The following HCRTR1 variants were observed in gnomAD, a reference collection of about 807,000 sequenced individuals.
The protein encoded by HCRTR1 is orexin/Hypocretin receptor type 1.
Under a neutral mutation model 40.6 loss-of-function variants are expected in HCRTR1, and 28 were observed. That is an observed-to-expected ratio of 0.69 (90% CI 0.51 to 0.95). HCRTR1 has a LOEUF of 0.95. HCRTR1 is among the 40% of genes least tolerant of loss of function. The probability of loss-of-function intolerance (pLI) is 0.00; values close to 1 mark genes in which losing one functional copy is unlikely to be tolerated. For missense variants in HCRTR1, 482 were observed against 564.7 expected, an observed-to-expected ratio of 0.85 and a Z score of 1.48; for synonymous variants, 209 against 230.0, an observed-to-expected ratio of 0.91 and a Z score of 0.83.
intron 6 of HCRTR1, among the ~76,000 whole-genome samples, chr1:31,623,312 A>AAAG: frequency 6.8e-6 from 1 of 146,822 alleles, no homozygotes; most frequent in Non-Finnish European, 1.5e-5. Flanking sequence ...AAAAAAAAAA[A>AAAG]GAAAAGAAAA....
At chr1:31,629,029 G>A (rs1640030311), downstream of HCRTR1, among the ~76,000 whole-genome samples, 1 of 152,176 alleles carries the variant, frequency 6.6e-6, no homozygotes, top group Admixed American at 6.5e-5. Flanking sequence ...GGAGGAAATG[G>A]GCTGCCTTGA....
downstream of HCRTR1, among the ~76,000 whole-genome samples, chr1:31,629,698 C>T (rs965351430): frequency 6.6e-6 from 1 of 152,170 alleles, no homozygotes; most frequent in Non-Finnish European, 1.5e-5. Flanking sequence ...CAGCTGGCTA[C>T]CCTATACTTC....
At chr1:31,631,963 G>A (rs1221456219), downstream of HCRTR1, among the ~76,000 whole-genome samples, 1 of 152,186 alleles carries the variant, frequency 6.6e-6, no homozygotes, top group African/African-American at 2.4e-5. Context: ...AGCCCAAACT[G>A]TGGCCTTCTG....
downstream of HCRTR1, chr1:31,633,193 A>G: frequency 1.2e-6 from 2 of 1,614,068 alleles, no homozygotes; most frequent in Non-Finnish European, 1.7e-6. Context: ...CATTGAATGA[A>G]GACCAATTGC....
In HCRTR1 at chr1:31,619,352, G is replaced by A. The variant is rs1193127266; in HGVS notation, c.160G>A (p.Val54Met). ...QYEWVLIAAY[V>M]AVFVVALVGN... ...TGAGTGGGTCCTCATCGCAGCCTAT[G>A]TGGCTGTGTTCGTCGTGGCCCTGGT... The change falls in exon 3 of 9, where the codon GTG (valine) becomes ATG (methionine). Residue 54 changes from valine (V) to methionine (M), a missense_variant. Val to Met is a conservative substitution (Grantham distance 21, BLOSUM62 1). Transcript: ENST00000403528. The A allele has an allele frequency of 6.2e-7, 1 of 1,614,124 alleles. No individual in the cohort carries two copies. Among genetic ancestry groups the A allele is most frequent in the African/African-American group, 1.3e-5 (1 of 74,958 alleles).
chr1:31,628,121 C>T (rs568084279), downstream of HCRTR1, among the ~76,000 whole-genome samples: 8 of 152,252 alleles, frequency 5.3e-5, no homozygotes, highest in South Asian at 2.1e-4. Flanking sequence ...CTGAGAGGAA[C>T]AGGGACATCT....
At chr1:31,630,757 G>A, downstream of HCRTR1, 1 of 1,614,142 alleles carries the variant, frequency 6.2e-7, no homozygotes, top group Non-Finnish European at 8.5e-7. Flanking sequence ...CAAGCTGCAT[G>A]GCAGGATTGG....
downstream of HCRTR1, among the ~76,000 whole-genome samples, chr1:31,631,532 C>G (rs184899869): frequency 6.6e-6 from 1 of 152,130 alleles, no homozygotes; most frequent in African/African-American, 2.4e-5. Context: ...ATTTGTTATG[C>G]GGGCCCTTGG....
intron 4 of HCRTR1, among the ~76,000 whole-genome samples, chr1:31,620,493 G>A (rs1480890682): frequency 6.6e-6 from 1 of 152,238 alleles, no homozygotes; most frequent in Non-Finnish European, 1.5e-5. Flanking sequence ...AGAGCGCTTT[G>A]TGGGATTGTC....
Position 31,619,729 on chromosome 1 carries a change from C to G in HCRTR1, c.378+19C>G. 1 of 1,571,378 alleles carries G rather than the reference C, an allele frequency of 6.4e-7. No individual in the cohort carries two copies. On this transcript the variant is annotated intron_variant, in intron 4 of 8. Coordinates refer to ENST00000403528, the MANE Select transcript of HCRTR1 (RefSeq NM_001525.3). Reference sequence around the variant, plus strand: ...TCTACAGGTGAGCTCTGCCCAGGCACCCCTCACCACTCCTTGTCACGCCTG... The same window carrying G: ...TCTACAGGTGAGCTCTGCCCAGGCAGCCCTCACCACTCCTTGTCACGCCTG...
At chr1:31,632,324 G>T, downstream of HCRTR1, 1 of 1,168,058 alleles carries the variant, frequency 8.6e-7, no homozygotes, top group Non-Finnish European at 1.3e-6. Flanking sequence ...TTGGCTCAGT[G>T]CCCCAGCTGG....
chr1:31,619,331 T>A lies in HCRTR1; in HGVS notation c.139T>A (p.Trp47Arg). The A allele has an allele frequency of 6.2e-7, 1 of 1,614,182 alleles. No homozygotes were observed. The highest frequency in any genetic ancestry group is 8.5e-7 in the Non-Finnish European group (1 of 1,180,026). The change falls in exon 3 of 9, where the codon TGG becomes AGG. Residue 47 changes from tryptophan (W) to arginine (R), a missense_variant. By Grantham distance (101) the Trp-to-Arg change is moderately radical (BLOSUM62 -3). Transcript: ENST00000403528. Reference protein sequence around the residue: ...RDYLYPKQYEWVLIAAYVAVF... With the variant: ...RDYLYPKQYERVLIAAYVAVF... ...TTATCTGTACCCAAAACAGTATGAG[T>A]GGGTCCTCATCGCAGCCTATGTGGC...
chr1:31,621,047 C>T lies in HCRTR1; in HGVS notation c.583C>T (p.Arg195Cys), dbSNP rs530187593. 10 of 1,611,444 alleles carry T rather than the reference C, an allele frequency of 6.2e-6. No homozygotes were observed. Among genetic ancestry groups the T allele is most frequent in the East Asian group, 4.5e-5 (2 of 44,878 alleles). Residue 195 changes from arginine (R) to cysteine (C), a missense_variant, in exon 5 of 9, where the codon CGC becomes TGC. By Grantham distance (180) the Arg-to-Cys change is radical. Coordinates refer to ENST00000403528, the MANE Select transcript of HCRTR1 (RefSeq NM_001525.3). ...CAGTGTGCTGCCTGAGCTAGCCAAC[C>T]GCACACGGCTCTTCTCAGTCTGTGA... ...CSSVLPELANRTRLFSVCDER... is the reference protein window; with the variant it reads ...CSSVLPELANCTRLFSVCDER...
At chr1:31,622,000 T>C (rs560582029) in intron 6 of HCRTR1, among the ~76,000 whole-genome samples, 1 of 152,338 alleles carries the variant, frequency 6.6e-6, no homozygotes, top group Non-Finnish European at 1.5e-5. Context: ...TTAGTACCAC[T>C]GCAACAATAA....
downstream of HCRTR1, chr1:31,633,353 A>G (rs377730208): frequency 3.2e-6 from 5 of 1,573,844 alleles, no homozygotes; most frequent in African/African-American, 5.4e-5. Flanking sequence ...CAGAAATGCC[A>G]GGAAGGGCCA....
At chr1:31,628,189 C>A (rs1640016709), downstream of HCRTR1, among the ~76,000 whole-genome samples, 1 of 152,252 alleles carries the variant, frequency 6.6e-6, no homozygotes, top group Non-Finnish European at 1.5e-5. Flanking sequence ...ATTAATAGAG[C>A]TGTGGGCTCC....
At chr1:31,634,382 A>G (rs1293456601), downstream of HCRTR1, among the ~76,000 whole-genome samples, 1 of 152,122 alleles carries the variant, frequency 6.6e-6, no homozygotes, top group African/African-American at 2.4e-5. Context: ...AAAATGTACA[A>G]TTTTCTGAGT....
At chr1:31,622,098 C>G (rs1377971056) in intron 6 of HCRTR1, among the ~76,000 whole-genome samples, 3 of 152,206 alleles carry the variant, frequency 2.0e-5, no homozygotes, top group African/African-American at 7.2e-5. Flanking sequence ...ACATTACCCA[C>G]GTCACAAATG....
downstream of HCRTR1, chr1:31,632,258 C>A: frequency 1.4e-6 from 1 of 713,764 alleles, no homozygotes; most frequent in Non-Finnish European, 2.5e-6. Flanking sequence ...CCGTCTCACC[C>A]AGCACTCCAG....
Sources: gnomAD v4.1 joint callset for allele counts (sites outside exome capture counted in the v4.1 genomes callset) on GRCh38, gnomAD v4.1.1 for gene constraint, MANE v1.5 for transcripts, NCBI Gene and HGNC (gene_info 2026-07-23, HGNC 2026-07-21) for gene names.